The following LIMK1 variants were observed in gnomAD, a reference collection of about 807,000 sequenced individuals.
LIMK1 encodes the protein LIM motif-containing protein kinase.
Under a neutral mutation model 77.6 loss-of-function variants are expected in LIMK1, and 21 were observed. The ratio of observed to expected loss-of-function variants is 0.27; its 90% CI spans 0.19 to 0.39. The LOEUF is 0.39. LIMK1 is among the 10% of genes least tolerant of loss of function. The probability of loss-of-function intolerance (pLI) is 1.00; values close to 1 mark genes in which losing one functional copy is unlikely to be tolerated. For missense variants in LIMK1, 696 were observed against 901.6 expected (o/e 0.77, Z 2.92); for synonymous variants, 358 against 370.0 (o/e 0.97, Z 0.37).
chr7:74,108,607 C>T (rs750123131), intron 9 of LIMK1, among the ~76,000 whole-genome samples: 3 of 150,388 alleles, frequency 2.0e-5, no homozygotes, highest in Non-Finnish European at 3.0e-5. Flanking sequence ...AAGATCGTGC[C>T]GCTGCCCTCC....
chr7:74,107,671 C>A (rs1337981409), intron 8 of LIMK1, among the ~76,000 whole-genome samples, 200 bp from the exon 9 acceptor site: 1 of 121,674 alleles, frequency 8.2e-6, no homozygotes, highest in Non-Finnish European at 1.8e-5. Flanking sequence ...TAGAGCAAGA[C>A]CCCATCTCAA....
chr7:74,083,983 T>G lies in LIMK1; in HGVS notation c.-8T>G. The G allele has an allele frequency of 7.5e-7, 1 of 1,332,038 alleles. No homozygotes were observed. 82.5% of individuals were successfully genotyped at this position (1,332,038 alleles called of 1,614,324 possible). A position where few individuals can be genotyped will look rare whatever the true frequency, so the allele number is the denominator to read the frequency against. ...CAGCCCCGCCGGGCCCCGCCCCCCG[T>G]CGAGTGCATGAGGTTGACGCTACTT... On this transcript the variant is annotated 5_prime_UTR_variant, in exon 1 of 16. Transcript: ENST00000336180.
Position 74,120,925 on chromosome 7 carries a change from C to T in LIMK1, c.1657C>T (p.Leu553=), listed in dbSNP as rs782699992. Reference sequence around the variant, plus strand: ...GCGGGTGAACGCAGACCCTGACTACCTGCCCCGCACCATGGACTTTGGCCT... The same window carrying T: ...GCGGGTGAACGCAGACCCTGACTACTTGCCCCGCACCATGGACTTTGGCCT... ...IGRVNADPDY[L]PRTMDFGLNV... is the part of the protein sequence containing the mutation. The change falls in exon 15 of 16, where the codon CTG becomes TTG. Residue 553 remains leucine (L), a synonymous_variant. Transcript: ENST00000336180. The T allele has an allele frequency of 5.0e-6, 8 of 1,614,186 alleles. No individual in the cohort carries two copies. The East Asian group carries it at 6.7e-5, about 13-fold the overall frequency.
In LIMK1 at chr7:74,097,562, G is replaced by A. The variant is rs558065003; in HGVS notation, c.401+373G>A. 9.6e-4 allele frequency among the ~76,000 whole-genome samples: 146 copies of A among 152,308 alleles called. 3 individuals carry two copies. The South Asian group carries it at 0.029, about 30-fold the overall frequency. Reference sequence around the variant, plus strand: ...GTGGTGGCGGGTGCCTGTAATCCCAGCTACTCAGGAGGCTGAGGCAGGAGA... The same window carrying A: ...GTGGTGGCGGGTGCCTGTAATCCCAACTACTCAGGAGGCTGAGGCAGGAGA... On this transcript the variant is annotated intron_variant, in intron 4 of 15. Coordinates refer to ENST00000336180, the MANE Select transcript of LIMK1 (RefSeq NM_002314.4).
intron 10 of LIMK1, chr7:74,110,937 G>C (rs1373065304): frequency 1.3e-5 from 2 of 152,238 alleles, no homozygotes; most frequent in Non-Finnish European, 2.9e-5. Context: ...GTTCTGTTAG[G>C]AAATAATGTT....
chr7:74,113,260 G>A (rs553533839), intron 12 of LIMK1, among the ~76,000 whole-genome samples: 25 of 151,920 alleles, frequency 1.6e-4, no homozygotes, highest in Non-Finnish European at 5.9e-5. Context: ...GGAGGTAGAG[G>A]TTGCAGTGAG....
chr7:74,104,738 C>T (rs767976026), intron 5 of LIMK1, among the ~76,000 whole-genome samples: 1 of 152,146 alleles, frequency 6.6e-6, no homozygotes, highest in South Asian at 2.1e-4. Context: ...GGCAACTGAT[C>T]GAGGGTCTCT....
At chr7:74,120,221 C>T (rs1265566349) in intron 13 of LIMK1, among the ~76,000 whole-genome samples, 1 of 152,220 alleles carries the variant, frequency 6.6e-6, no homozygotes, top group Non-Finnish European at 1.5e-5. Context: ...AACTTAATCC[C>T]ATCTGCAAAA....
At chr7:74,088,063 C>T (rs112692137) in intron 2 of LIMK1, among the ~76,000 whole-genome samples, 64 of 152,284 alleles carry the variant, frequency 4.2e-4, no homozygotes, top group African/African-American at 1.5e-3. Flanking sequence ...GCATAAGCCA[C>T]CATGCCCAGC....
intron 10 of LIMK1, chr7:74,110,265 A>C (rs1307149612): frequency 6.6e-6 from 1 of 152,092 alleles, no homozygotes; most frequent in Non-Finnish European, 1.5e-5. Context: ...CTGAGGCAGA[A>C]GGATCACTTG....
At chr7:74,103,027 A>C (rs1288966643) in intron 5 of LIMK1, among the ~76,000 whole-genome samples, 1 of 151,700 alleles carries the variant, frequency 6.6e-6, no homozygotes, top group Non-Finnish European at 1.5e-5. Flanking sequence ...ACCATTATGC[A>C]TGCCTAATTT....
Position 74,096,245 on chromosome 7 carries a change from G to A in LIMK1, c.153-377G>A, listed in dbSNP as rs569605459. The stretch of plus-strand genomic sequence containing the variant: ...CTCCCAAAGTGCTGGGATTACAGGT[G>A]TGAGCCACCGCTTTGGGAGGCCGAG... On this transcript the variant is annotated intron_variant, in intron 2 of 15. Transcript: ENST00000336180. Among the ~76,000 whole-genome samples, 25 of 151,586 alleles carry A rather than the reference G, an allele frequency of 1.6e-4. No individual in the cohort carries two copies. The East Asian group carries it at 4.5e-3, about 27-fold the overall frequency.
Position 74,111,224 on chromosome 7 carries a change from G to A in LIMK1, c.1285-424G>A, listed in dbSNP as rs570858268. 5 of 177,738 alleles carry A rather than the reference G, an allele frequency of 2.8e-5. No individual in the cohort carries two copies. In the South Asian group the frequency reaches 5.1e-4, roughly 18 times the overall value. The allele number at this position is 177,738 out of a possible 1,614,324, so 11.0% of individuals were successfully genotyped here. A position where few individuals can be genotyped will look rare whatever the true frequency, so the allele number is the denominator to read the frequency against. ...GGCCAAGGTGGGCAGATCACCTGAG[G>A]TAAGGAGTTCAAGACCAGCCTGACC... On this transcript the variant is annotated intron_variant, in intron 10 of 15. Transcript: ENST00000336180.
intron 1 of LIMK1, among the ~76,000 whole-genome samples, chr7:74,085,477 C>T (rs1356656055): frequency 6.6e-6 from 1 of 152,228 alleles, no homozygotes; most frequent in Non-Finnish European, 1.5e-5. Flanking sequence ...AATGCTATAG[C>T]GGGAGGATGG....
chr7:74,104,702 T>A (rs762192238), intron 5 of LIMK1, among the ~76,000 whole-genome samples: 8 of 151,820 alleles, frequency 5.3e-5, no homozygotes, highest in Non-Finnish European at 1.0e-4. Flanking sequence ...ATTTGGCAAA[T>A]TGGTCTTTTT....
chr7:74,116,859 A>C (rs1232608315), intron 13 of LIMK1, among the ~76,000 whole-genome samples: 4 of 150,178 alleles, frequency 2.7e-5, no homozygotes, highest in Non-Finnish European at 5.9e-5. Context: ...GCAACACCAC[A>C]CCCAGCTAAT....
chr7:74,113,806 G>A (rs1799751667), intron 12 of LIMK1, among the ~76,000 whole-genome samples: 1 of 151,856 alleles, frequency 6.6e-6, no homozygotes, highest in Admixed American at 6.6e-5. Flanking sequence ...TACCGTTAGA[G>A]TCAGGCCAGG....
At chr7:74,099,580 C>T (rs1281620957) in intron 5 of LIMK1, among the ~76,000 whole-genome samples, 1 of 151,514 alleles carries the variant, frequency 6.6e-6, no homozygotes, top group Non-Finnish European at 1.5e-5. Context: ...AAAATACAAA[C>T]GTAGCCAGGC....
intron 13 of LIMK1, among the ~76,000 whole-genome samples, chr7:74,120,249 A>C (rs1017458704): frequency 8.5e-5 from 13 of 152,192 alleles, no homozygotes; most frequent in Non-Finnish European, 1.9e-4. Flanking sequence ...TTTCTGACCC[A>C]GTAACATTCA....
Sources: gnomAD v4.1 joint callset for allele counts (sites outside exome capture counted in the v4.1 genomes callset) on GRCh38, gnomAD v4.1.1 for gene constraint, MANE v1.5 for transcripts, NCBI Gene and HGNC (gene_info 2026-07-23, HGNC 2026-07-21) for gene names.